Variants in MRPL45 observed in about 807,000 individuals in gnomAD.
The protein encoded by MRPL45 is large ribosomal subunit protein mL45.
A neutral mutation model predicts 38.1 loss-of-function variants in MRPL45; 20 were observed. The ratio of observed to expected loss-of-function variants is 0.53; its 90% CI spans 0.37 to 0.76. The LOEUF is 0.76. Among genes scored for constraint, MRPL45 ranks in the 30% least tolerant of loss-of-function variants. MRPL45 has a pLI of 0.00. For synonymous variants in MRPL45, 105 were observed against 128.8 expected (o/e 0.82, Z 1.25); for missense variants, 337 against 395.6 (o/e 0.85, Z 1.26).
chr17:38,314,192 C>T (rs2037152633), intron 4 of MRPL45, among the ~76,000 whole-genome samples: 1 of 152,086 alleles, frequency 6.6e-6, no homozygotes, highest in Non-Finnish European at 1.5e-5. Context: ...GCAACCTCTG[C>T]CTCCTGGGTT....
intron 4 of MRPL45, among the ~76,000 whole-genome samples, chr17:38,313,990 G>T (rs1467734837): frequency 6.6e-6 from 1 of 152,026 alleles, no homozygotes; most frequent in Non-Finnish European, 1.5e-5. Context: ...AAATTAGGCG[G>T]TTATTTTGTT....
At chr17:38,322,031 C>CAA (rs747640334) in intron 6 of MRPL45, 95 bp from the exon 7 acceptor site, 2,004 of 1,073,992 alleles carry the variant, frequency 1.9e-3, no homozygotes, top group Middle Eastern at 3.9e-3. Flanking sequence ...GACTCTGTCT[C>CAA]AAAAAAAAAA....
At chr17:38,308,133 A>AT (rs899158419) in intron 4 of MRPL45, among the ~76,000 whole-genome samples, 10 of 144,724 alleles carry the variant, frequency 6.9e-5, no homozygotes, top group South Asian at 4.3e-4. Flanking sequence ...CAAGCCAGTC[A>AT]TTTTTTTTTT....
chr17:38,305,304 TA>T (rs1190336844), intron 3 of MRPL45, among the ~76,000 whole-genome samples: 3 of 138,654 alleles, frequency 2.2e-5, no homozygotes, highest in Non-Finnish European at 4.8e-5. Context: ...CCATCTCTAC[TA>T]AAAATACAAA....
chr17:38,316,583 C>T (rs1157557313), intron 4 of MRPL45, among the ~76,000 whole-genome samples: 1 of 151,378 alleles, frequency 6.6e-6, no homozygotes, highest in African/African-American at 2.4e-5. Flanking sequence ...CCGAGGCGGG[C>T]AGATCACTTG....
intron 4 of MRPL45, among the ~76,000 whole-genome samples, chr17:38,313,967 A>G (rs2037150575): frequency 6.6e-6 from 1 of 151,278 alleles, no homozygotes; most frequent in Admixed American, 6.6e-5. Context: ...CCAGCCCAGA[A>G]AGGTCTATTT....
At chr17:38,310,130 C>CTTTT (rs71135802) in intron 4 of MRPL45, among the ~76,000 whole-genome samples, 5 of 122,244 alleles carry the variant, frequency 4.1e-5, no homozygotes, top group Admixed American at 8.8e-5. Context: ...TTAGAATTTT[C>CTTTT]TTTTTTTTTT....
intron 4 of MRPL45, among the ~76,000 whole-genome samples, chr17:38,316,166 A>G (rs909879390): frequency 2.0e-5 from 3 of 152,034 alleles, no homozygotes; most frequent in Non-Finnish European, 4.4e-5. Context: ...ATGATGTCCC[A>G]CAGGTCCCTC....
chr17:38,308,069 C>G (rs1382609797), intron 4 of MRPL45, among the ~76,000 whole-genome samples: 1 of 151,832 alleles, frequency 6.6e-6, no homozygotes, highest in African/African-American at 2.4e-5. Flanking sequence ...CCACACCCTG[C>G]TAGTTTTCAT....
At chr17:38,318,161 T>C (rs2037192872) in intron 4 of MRPL45, among the ~76,000 whole-genome samples, 1 of 130,080 alleles carries the variant, frequency 7.7e-6, no homozygotes, top group South Asian at 2.4e-4. Flanking sequence ...TGAGCCGAGA[T>C]CGCGCCACTG....
At chr17:38,308,106 A>G (rs2037072299) in intron 4 of MRPL45, among the ~76,000 whole-genome samples, 1 of 150,938 alleles carries the variant, frequency 6.6e-6, no homozygotes, top group Admixed American at 6.6e-5. Flanking sequence ...GGATTTCACC[A>G]TGTTGCCCAG....
intron 4 of MRPL45, among the ~76,000 whole-genome samples, chr17:38,314,158 G>A (rs963697989): frequency 3.3e-5 from 5 of 151,990 alleles, no homozygotes; most frequent in Admixed American, 2.0e-4. Flanking sequence ...AGGCTGGAGT[G>A]CAATGGCGTG....
At chr17:38,319,034 T>C (rs1455494705) in intron 5 of MRPL45, among the ~76,000 whole-genome samples, 2 of 147,234 alleles carry the variant, frequency 1.4e-5, no homozygotes, top group East Asian at 3.9e-4. Context: ...TATTTATTTA[T>C]TTATTTATTT....
At chr17:38,300,131 G>A (rs901957820) in intron 3 of MRPL45, among the ~76,000 whole-genome samples, 7 of 151,802 alleles carry the variant, frequency 4.6e-5, no homozygotes, top group African/African-American at 1.7e-4. Flanking sequence ...AGATTCTCCT[G>A]CCTCAGCCTC....
chr17:38,311,990 C>T (rs1398134033), intron 4 of MRPL45, among the ~76,000 whole-genome samples: 1 of 151,158 alleles, frequency 6.6e-6, no homozygotes, highest in African/African-American at 2.4e-5. Flanking sequence ...AGCATGATGT[C>T]TTCAATGTTC....
chr17:38,316,150 T>C (rs1242176880), intron 4 of MRPL45, among the ~76,000 whole-genome samples: 1 of 152,196 alleles, frequency 6.6e-6, no homozygotes, highest in Non-Finnish European at 1.5e-5. Context: ...GTATTTGGTA[T>C]ACTTGATGAT....
In MRPL45 at chr17:38,301,475, G is replaced by A. The variant is rs1381790589; in HGVS notation, c.362+2007G>A. On this transcript the variant is annotated intron_variant, in intron 3 of 7. Coordinates refer to ENST00000613675, the MANE Select transcript of MRPL45 (RefSeq NM_032351.6). ...GGCTGGTCTTGAACTCCCGACCTCA[G>A]GTGATCCGCCAGACTCAGGCCTCCC... Among the ~76,000 whole-genome samples the A allele has an allele frequency of 2.0e-5, 3 of 152,096 alleles. No homozygotes were observed. In the East Asian group the frequency reaches 5.8e-4, roughly 29 times the overall value.
At chr17:38,309,815 C>G (rs2037092921) in intron 4 of MRPL45, among the ~76,000 whole-genome samples, 1 of 151,444 alleles carries the variant, frequency 6.6e-6, no homozygotes, top group Non-Finnish European at 1.5e-5. Context: ...TCTTTAGGTG[C>G]TTTTTTTGTC....
intron 4 of MRPL45, among the ~76,000 whole-genome samples, chr17:38,318,375 A>C (rs568586594): frequency 9.9e-5 from 15 of 152,114 alleles, no homozygotes; most frequent in African/African-American, 3.6e-4. Flanking sequence ...GAGGGTACCC[A>C]TCTTAAGGAT....
Sources: gnomAD v4.1 joint callset for allele counts (sites outside exome capture counted in the v4.1 genomes callset) on GRCh38, gnomAD v4.1.1 for gene constraint, MANE v1.5 for transcripts, NCBI Gene and HGNC (gene_info 2026-07-23, HGNC 2026-07-21) for gene names.